Variants in GTF2E2 observed in about 807,000 individuals in gnomAD.
The protein encoded by GTF2E2 is transcription initiation factor IIE subunit beta.
GTF2E2 carries 21 observed loss-of-function variants against 40.5 expected under a neutral mutation model. The ratio of observed to expected loss-of-function variants is 0.52; its 90% confidence interval spans 0.37 to 0.75. The LOEUF (loss-of-function observed/expected upper bound fraction) is 0.75, where lower values mean the gene tolerates loss of function less well. Ranked by LOEUF, GTF2E2 falls within the 30% of genes least tolerant of loss-of-function variation. The pLI, the probability that GTF2E2 is intolerant of heterozygous loss-of-function variation, is 0.00. For synonymous variants in GTF2E2, 117 were observed against 121.6 expected, an observed-to-expected ratio of 0.96 and a Z score of 0.25; for missense variants, 298 against 338.4, an observed-to-expected ratio of 0.88 and a Z score of 0.94.
chr8:30,657,316 C>T (rs976976178), intron 1 of GTF2E2, among the ~76,000 whole-genome samples: 14 of 152,170 alleles, frequency 9.2e-5, no homozygotes, highest in Admixed American at 1.3e-4. Context: ...ACACGGAAAA[C>T]CCAAAAATTA....
chr8:30,634,912 T>G, intron 3 of GTF2E2, 120 bp downstream of exon 3: 1 of 610,158 alleles, frequency 1.6e-6, no homozygotes, highest in South Asian at 2.0e-5. Context: ...CTGCACATAC[T>G]GAAAATGCAC....
rs751158305 is a variant in GTF2E2 at position 30,653,566 on chromosome 8, C to T, written c.33G>A (p.Leu11=). The T allele has an allele frequency of 1.2e-6, 2 of 1,613,006 alleles. No individual in the cohort carries two copies. The highest frequency in any genetic ancestry group is 1.7e-6 in the Non-Finnish European group (2 of 1,179,398). The change falls in exon 2 of 8, where the codon CTG becomes CTA. Residue 11 remains leucine, a synonymous_variant. Transcript: ENST00000355904. ...GAGTAGAAAGAGCTCGTTTTTTGAA[C>T]AGCTCCCTTTCTCTCAACAGGCTTG... MDPSLLRERE[L]FKKRALSTPV... is the part of the protein sequence containing the mutation.
intron 2 of GTF2E2, chr8:30,645,889 G>T: frequency 3.8e-6 from 1 of 266,282 alleles, no homozygotes; most frequent in Admixed American, 4.9e-5. Context: ...AAGATAAGCT[G>T]GAAAAGACAA....
chr8:30,645,757 T>G, intron 2 of GTF2E2: 1 of 655,964 alleles, frequency 1.5e-6, no homozygotes, highest in Non-Finnish European at 2.5e-6. Context: ...GCACTGTTTG[T>G]GTGTATAGCC....
intron 2 of GTF2E2, among the ~76,000 whole-genome samples, chr8:30,646,342 G>C (rs754603200): frequency 1.3e-5 from 2 of 152,012 alleles, no homozygotes; most frequent in Non-Finnish European, 2.9e-5. Flanking sequence ...AAGGCAGAAA[G>C]ACTGCCCCTC....
intron 2 of GTF2E2, among the ~76,000 whole-genome samples, 186 bp downstream of exon 2, chr8:30,653,247 A>G (rs1802341735): frequency 6.6e-6 from 1 of 152,230 alleles, no homozygotes; most frequent in South Asian, 2.1e-4. Flanking sequence ...GTAATAACCT[A>G]AATTTTAACT....
intron 1 of GTF2E2, among the ~76,000 whole-genome samples, chr8:30,656,381 CAAG>C (rs575124997): frequency 4.7e-4 from 72 of 152,020 alleles, no homozygotes; most frequent in African/African-American, 1.6e-3. Flanking sequence ...AGCGTGGGGC[CAAG>C]AAGAAGAAAG....
At chr8:30,607,595 T>C (rs1829356328) in intron 5 of GTF2E2, among the ~76,000 whole-genome samples, 1 of 152,206 alleles carries the variant, frequency 6.6e-6, no homozygotes, top group South Asian at 2.1e-4. Flanking sequence ...TTTTAGTTTT[T>C]GAGTTTCTTT....
chr8:30,625,039 A>G (rs1349717576), intron 3 of GTF2E2, among the ~76,000 whole-genome samples: 14 of 152,040 alleles, frequency 9.2e-5, no homozygotes, highest in South Asian at 2.1e-4. Context: ...AACTTCCAAC[A>G]CTATGTTGAA....
At chr8:30,626,890 C>G (rs1485918469) in intron 3 of GTF2E2, among the ~76,000 whole-genome samples, 1 of 152,196 alleles carries the variant, frequency 6.6e-6, no homozygotes, top group Non-Finnish European at 1.5e-5. Context: ...AAATAGAAAT[C>G]ACAGCTACTG....
chr8:30,638,679 C>T (rs1365009635), intron 2 of GTF2E2: 1 of 152,560 alleles, frequency 6.6e-6, no homozygotes, highest in East Asian at 1.9e-4. Context: ...GGTACATGTC[C>T]TTATGATGCA....
chr8:30,580,488 G>A lies in GTF2E2; in HGVS notation c.644-92C>T, dbSNP rs1179230346. On this transcript the variant is annotated intron_variant, in intron 6 of 7. Transcript: ENST00000355904. ...CCAGGTTTCAGTGTTATCTCCTCTG[G>A]ATCCAAATGAGCACATCTGATATGT... 4.1e-6 allele frequency: 3 copies of A among 736,092 alleles called. No individual in the cohort carries two copies. The African/African-American group carries it at 5.2e-5, about 13-fold the overall frequency. 45.6% of individuals were successfully genotyped at this position (736,092 alleles called of 1,614,324 possible).
intron 6 of GTF2E2, among the ~76,000 whole-genome samples, chr8:30,589,867 G>A (rs1408817430): frequency 2.0e-5 from 3 of 152,216 alleles, no homozygotes; most frequent in Non-Finnish European, 4.4e-5. Flanking sequence ...GGGAGAAGCC[G>A]TGGGGTAACT....
At chr8:30,581,922 TAGACA>T (rs1171583140) in intron 6 of GTF2E2, among the ~76,000 whole-genome samples, 11 of 152,240 alleles carry the variant, frequency 7.2e-5, no homozygotes, top group African/African-American at 2.7e-4. Context: ...TACTACAGCC[TAGACA>T]AGACTTCAAC....
chr8:30,590,312 C>G (rs1314086017), intron 6 of GTF2E2, among the ~76,000 whole-genome samples: 1 of 152,146 alleles, frequency 6.6e-6, no homozygotes, highest in Non-Finnish European at 1.5e-5. Context: ...TAAGTATGTG[C>G]CACAGTTAAG....
intron 5 of GTF2E2, among the ~76,000 whole-genome samples, chr8:30,608,194 T>C (rs189108361): frequency 3.9e-5 from 6 of 152,302 alleles, no homozygotes; most frequent in Non-Finnish European, 7.3e-5. Flanking sequence ...AAATTCATCA[T>C]AGGAATAAAG....
Position 30,597,844 on chromosome 8 carries a change from T to C in GTF2E2, c.643+9213A>G, listed in dbSNP as rs151006512. On this transcript the variant is annotated intron_variant, in intron 6 of 7. Coordinates refer to ENST00000355904, the MANE Select transcript of GTF2E2 (RefSeq NM_002095.6). ...GCTAGCTTTGCTCACTATAGGCATA[T>C]ATGAAAGAAAATAATTTCAGGTCAA... Among the ~76,000 whole-genome samples the C allele has an allele frequency of 2.4e-4, 37 of 152,342 alleles. 1 individual carries two copies. The highest frequency in any genetic ancestry group is 7.7e-4 in the African/African-American group (32 of 41,580).
intron 3 of GTF2E2, among the ~76,000 whole-genome samples, chr8:30,618,870 T>C (rs1413558165): frequency 6.6e-6 from 1 of 152,220 alleles, no homozygotes; most frequent in Non-Finnish European, 1.5e-5. Flanking sequence ...ATGTGATTTC[T>C]GAGTTTAAAA....
chr8:30,617,194 T>C (rs1466077534), intron 3 of GTF2E2, among the ~76,000 whole-genome samples: 3 of 152,098 alleles, frequency 2.0e-5, no homozygotes, highest in African/African-American at 4.8e-5. Context: ...AGTCAGGCCC[T>C]GGAAAACTAA....
Sources: allele counts gnomAD v4.1 joint callset (sites outside exome capture counted in the v4.1 genomes callset), GRCh38; gene constraint gnomAD v4.1.1; transcripts MANE v1.5; gene names NCBI Gene and HGNC (gene_info 2026-07-23, HGNC 2026-07-21).